The following TEAD4 variants were observed in gnomAD, a reference collection of about 807,000 sequenced individuals.
The protein encoded by TEAD4 is TEA domain transcription factor 4.
Under a neutral mutation model 52.4 loss-of-function variants are expected in TEAD4, and 36 were observed. The observed-to-expected ratio is 0.69, with a 90% CI of 0.53 to 0.91. TEAD4 has a LOEUF of 0.91. Among genes scored for constraint, TEAD4 ranks in the 40% least tolerant of loss-of-function variants. The probability of loss-of-function intolerance (pLI) is 0.00; values close to 1 mark genes in which losing one functional copy is unlikely to be tolerated. For synonymous variants in TEAD4, 220 were observed against 231.0 expected (o/e 0.95, Z 0.43); for missense variants, 508 against 583.9 (o/e 0.87, Z 1.34).
At chr12:2,965,628 T>C (rs1330972957) in intron 2 of TEAD4, among the ~76,000 whole-genome samples, 2 of 152,198 alleles carry the variant, frequency 1.3e-5, no homozygotes, top group Non-Finnish European at 2.9e-5. Flanking sequence ...CTTGGCTCAC[T>C]GCAAGCTCCG....
At chr12:3,013,289 C>T (rs114015765) in intron 5 of TEAD4, among the ~76,000 whole-genome samples, 7,102 of 150,070 alleles carry the variant, frequency 0.047, 549 homozygotes, top group African/African-American at 0.16. Context: ...AGCAATGTAG[C>T]CCCTTTTCTT....
At chr12:2,973,752 G>A (rs1565524017) in intron 2 of TEAD4, among the ~76,000 whole-genome samples, 1 of 152,232 alleles carries the variant, frequency 6.6e-6, no homozygotes, top group African/African-American at 2.4e-5. Context: ...GTCAGGCCGG[G>A]CTGGCCCCAT....
chr12:3,039,433 G>C (rs1350733056), intron 11 of TEAD4, among the ~76,000 whole-genome samples: 2 of 152,176 alleles, frequency 1.3e-5, no homozygotes, highest in Non-Finnish European at 2.9e-5. Flanking sequence ...AGCTGGTTCA[G>C]ATTTCACCAG....
chr12:3,018,814 G>T (rs1014640112), intron 7 of TEAD4, among the ~76,000 whole-genome samples: 1 of 152,142 alleles, frequency 6.6e-6, no homozygotes, highest in Non-Finnish European at 1.5e-5. Flanking sequence ...ACTCCAGTCT[G>T]TCCAGGGTAT....
chr12:2,985,070 T>G (rs1344676741), intron 2 of TEAD4, among the ~76,000 whole-genome samples: 1 of 152,236 alleles, frequency 6.6e-6, no homozygotes, highest in Non-Finnish European at 1.5e-5. Flanking sequence ...CTTTATAAAC[T>G]TCTTAATTTT....
At chr12:2,965,743 ACCATGTTAG>A (rs2098219706) in intron 2 of TEAD4, among the ~76,000 whole-genome samples, 1 of 151,806 alleles carries the variant, frequency 6.6e-6, no homozygotes, top group African/African-American at 2.4e-5. Flanking sequence ...ACGGGGTTTC[ACCATGTTAG>A]CCAGGATGGT....
At chr12:3,040,314 G>A in intron 12 of TEAD4, 51 bp from the exon 13 acceptor site, 1 of 1,613,980 alleles carries the variant, frequency 6.2e-7, no homozygotes, top group Non-Finnish European at 8.5e-7. Context: ...TAGCAGCCAT[G>A]GCATGCCCCT....
chr12:2,990,034 C>T (rs2098241769), intron 2 of TEAD4, among the ~76,000 whole-genome samples: 1 of 152,134 alleles, frequency 6.6e-6, no homozygotes, highest in Non-Finnish European at 1.5e-5. Context: ...TTCTGTTCTC[C>T]TTGCTCTTTA....
At chr12:2,968,526 CTA>C (rs1239763171) in intron 2 of TEAD4, among the ~76,000 whole-genome samples, 3 of 150,846 alleles carry the variant, frequency 2.0e-5, no homozygotes, top group Non-Finnish European at 4.4e-5. Context: ...GCTTTCTCAG[CTA>C]CTCAGGTCTC....
intron 2 of TEAD4, among the ~76,000 whole-genome samples, chr12:2,982,132 T>A (rs2098234515): frequency 6.6e-6 from 1 of 152,152 alleles, no homozygotes; most frequent in Non-Finnish European, 1.5e-5. Context: ...TCCCTGAGGC[T>A]TGGACTCTCC....
rs376160263 is a variant in TEAD4 at position 2,994,872 on chromosome 12, G to A, written c.106G>A (p.Asp36Asn). 13 of 1,614,022 alleles carry A rather than the reference G, an allele frequency of 8.1e-6. No individual in the cohort carries two copies. Among genetic ancestry groups the A allele is most frequent in the African/African-American group, 5.3e-5 (4 of 74,950 alleles). ...CAGTCAGGCACTGGACAAGCCCATC[G>A]ACAATGACGCAGAGGGCGTGTGGAG... Residue 36 changes from aspartate to asparagine, a missense_variant, in exon 3 of 13, where the codon GAC (aspartate) becomes AAC (asparagine). Coordinates refer to ENST00000359864, the MANE Select transcript of TEAD4 (RefSeq NM_003213.4). The surrounding 1 kb of genome is among the most constrained non-coding windows in gnomAD (Gnocchi z 4.7).
At chr12:2,992,324 C>T (rs976934202) in intron 2 of TEAD4, among the ~76,000 whole-genome samples, 14 of 152,096 alleles carry the variant, frequency 9.2e-5, no homozygotes, top group African/African-American at 3.4e-4. Flanking sequence ...CGGCTGGTTC[C>T]TGCTTTACGT....
At chr12:2,989,012 T>C (rs2098240939) in intron 2 of TEAD4, among the ~76,000 whole-genome samples, 1 of 152,166 alleles carries the variant, frequency 6.6e-6, no homozygotes, top group Admixed American at 6.6e-5. Context: ...TGTGAGCTAC[T>C]ATGGCAGGTT....
intron 3 of TEAD4, among the ~76,000 whole-genome samples, chr12:3,010,445 C>T (rs1049628890): frequency 6.6e-6 from 1 of 152,228 alleles, no homozygotes; most frequent in Non-Finnish European, 1.5e-5. Context: ...ACTGGCTTTT[C>T]TTTATGAGCG....
chr12:3,036,878 T>G (rs972819233), intron 10 of TEAD4, among the ~76,000 whole-genome samples: 2 of 152,124 alleles, frequency 1.3e-5, no homozygotes, highest in African/African-American at 4.8e-5. Context: ...GCTGTGGCAC[T>G]CTGCTGGTTT....
chr12:2,981,226 C>T (rs531843655), intron 2 of TEAD4, among the ~76,000 whole-genome samples: 15 of 152,350 alleles, frequency 9.8e-5, no homozygotes, highest in African/African-American at 3.1e-4. Context: ...CCTGCAGGGT[C>T]GCCTGCCCAG....
intron 3 of TEAD4, among the ~76,000 whole-genome samples, chr12:3,003,629 A>AGC (rs2098253457): frequency 6.6e-6 from 1 of 152,276 alleles, no homozygotes; most frequent in South Asian, 2.1e-4. Context: ...CTCCACGGGC[A>AGC]GCCTTCGCCC....
At chr12:3,019,870 C>T (rs149122238) in intron 8 of TEAD4, among the ~76,000 whole-genome samples, 5 of 152,276 alleles carry the variant, frequency 3.3e-5, no homozygotes, top group Admixed American at 6.5e-5. Flanking sequence ...AAAGTCACAG[C>T]GTCAGGTCCC....
rs374786678 is a variant in TEAD4, at chr12:2,999,750, G to A, written c.226+4758G>A. On this transcript the variant is annotated intron_variant, in intron 3 of 12. Transcript: ENST00000359864. Reference sequence around the variant, plus strand: ...AGGCTCACAGTCGGCCTAGCCTAGCGTGCAGGTGGTGGGATTCGAACAACT... The same window carrying A: ...AGGCTCACAGTCGGCCTAGCCTAGCATGCAGGTGGTGGGATTCGAACAACT... Among the ~76,000 whole-genome samples, 357 of 151,036 alleles carry A rather than the reference G, an allele frequency of 2.4e-3. 1 individual carries two copies. The highest frequency in any genetic ancestry group is 8.4e-3 in the African/African-American group (338 of 40,382).
Sources: gnomAD v4.1 joint callset for allele counts (sites outside exome capture counted in the v4.1 genomes callset) on GRCh38, gnomAD v4.1.1 for gene constraint, Gnocchi (gnomAD v3.1) non-coding constraint, MANE v1.5 for transcripts, NCBI Gene and HGNC (gene_info 2026-07-23, HGNC 2026-07-21) for gene names.